The following TBC1D22A variants were observed in gnomAD, a reference collection of about 807,000 sequenced individuals.
TBC1D22A encodes putative GTPase activator.
In TBC1D22A, 38 loss-of-function variants were observed where a neutral mutation model predicts 60.2. The ratio of observed to expected loss-of-function variants is 0.63; its 90% CI spans 0.49 to 0.83. The LOEUF (loss-of-function observed/expected upper bound fraction) is 0.83. Among genes scored for constraint, TBC1D22A ranks in the 40% least tolerant of loss-of-function variants. The pLI, the probability that TBC1D22A is intolerant of heterozygous loss-of-function variation, is 0.00. For missense variants in TBC1D22A, 628 were observed against 701.0 expected, an observed-to-expected ratio of 0.90 and a Z score of 1.18; for synonymous variants, 302 against 281.7, an observed-to-expected ratio of 1.07 and a Z score of -0.72.
intron 11 of TBC1D22A, among the ~76,000 whole-genome samples, chr22:47,088,700 C>CA (rs1332790307): frequency 6.6e-6 from 1 of 152,118 alleles, no homozygotes; most frequent in Non-Finnish European, 1.5e-5. Flanking sequence ...TGAGTCAAGC[C>CA]AGTGCTCACC....
intron 1 of TBC1D22A, among the ~76,000 whole-genome samples, chr22:46,788,183 G>T (rs1248707755): frequency 1.3e-5 from 2 of 151,966 alleles, no homozygotes; most frequent in Non-Finnish European, 2.9e-5. Flanking sequence ...TGATCCACCC[G>T]CCTCGGCCTC....
At chr22:47,054,801 C>G (rs984981278) in intron 11 of TBC1D22A, among the ~76,000 whole-genome samples, 2 of 152,154 alleles carry the variant, frequency 1.3e-5, no homozygotes, top group Non-Finnish European at 2.9e-5. Context: ...GGGGCAAGGG[C>G]GAGGGGCTCA....
At chr22:46,796,491 T>C in intron 3 of TBC1D22A, among the ~76,000 whole-genome samples, 1 of 152,184 alleles carries the variant, frequency 6.6e-6, no homozygotes, top group Non-Finnish European at 1.5e-5. Flanking sequence ...CACTCTACTT[T>C]AATTTTCAGT....
intron 8 of TBC1D22A, among the ~76,000 whole-genome samples, chr22:46,929,720 G>A (rs2071245579): frequency 6.6e-6 from 1 of 152,086 alleles, no homozygotes; most frequent in African/African-American, 2.4e-5. Flanking sequence ...GTGTGTGCGT[G>A]TGCGTGTGTG....
intron 4 of TBC1D22A, among the ~76,000 whole-genome samples, chr22:46,863,638 A>T (rs1054706904): frequency 6.6e-6 from 1 of 152,210 alleles, no homozygotes; most frequent in South Asian, 2.1e-4. Context: ...TTAGAGCCCC[A>T]TAATAGGGTT....
In TBC1D22A at chr22:46,983,207, A is replaced by T. The variant is rs986123135; in HGVS notation, c.1125+8808A>T. 3.3e-4 allele frequency among the ~76,000 whole-genome samples: 50 copies of T among 152,304 alleles called. 1 individual carries two copies. The highest frequency in any genetic ancestry group is 1.2e-3 in the African/African-American group (48 of 41,584). On this transcript the variant is annotated intron_variant, in intron 9 of 12. Coordinates refer to ENST00000337137, the MANE Select transcript of TBC1D22A (RefSeq NM_014346.5). ...ATCTGGTCAGAGGTTTCCACAGTGCAGGAGGGTGCCCAGGCTGGCTTGTGG... is the reference window on the plus strand; with the variant it reads ...ATCTGGTCAGAGGTTTCCACAGTGCTGGAGGGTGCCCAGGCTGGCTTGTGG...
At chr22:47,145,548 A>T (rs1480057555) in intron 12 of TBC1D22A, among the ~76,000 whole-genome samples, 5 of 152,260 alleles carry the variant, frequency 3.3e-5, no homozygotes, top group Non-Finnish European at 5.9e-5. Flanking sequence ...AAGCATCGTC[A>T]TATGAAGTGG....
chr22:47,099,687 CA>C (rs1354315881), intron 11 of TBC1D22A, among the ~76,000 whole-genome samples: 1 of 151,884 alleles, frequency 6.6e-6, no homozygotes, highest in Non-Finnish European at 1.5e-5. Flanking sequence ...TCAGGTGGTC[CA>C]CCTGCCTCAG....
chr22:47,100,449 C>T (rs2065369064), intron 11 of TBC1D22A, among the ~76,000 whole-genome samples: 1 of 152,110 alleles, frequency 6.6e-6, no homozygotes, highest in Non-Finnish European at 1.5e-5. Context: ...GGGGTGAGGC[C>T]TCGGGGGACG....
intron 8 of TBC1D22A, among the ~76,000 whole-genome samples, chr22:46,941,751 GA>G (rs2072142185): frequency 6.8e-6 from 1 of 146,216 alleles, no homozygotes; most frequent in African/African-American, 2.5e-5. Context: ...TATATATGCG[GA>G]ATATATATAT....
chr22:47,172,056 C>T (rs1280818065), intron 12 of TBC1D22A, among the ~76,000 whole-genome samples: 1 of 148,090 alleles, frequency 6.8e-6, no homozygotes, highest in Non-Finnish European at 1.5e-5. Flanking sequence ...TCCCAGTGAG[C>T]CTACCCAGCA....
At chr22:46,979,890 T>C (rs2074446009) in intron 9 of TBC1D22A, among the ~76,000 whole-genome samples, 1 of 152,128 alleles carries the variant, frequency 6.6e-6, no homozygotes, top group South Asian at 2.1e-4. Flanking sequence ...GTTGGCTGGC[T>C]ACCGTCTGAG....
intron 8 of TBC1D22A, among the ~76,000 whole-genome samples, chr22:46,930,681 T>G (rs893542974): frequency 6.6e-6 from 1 of 151,366 alleles, no homozygotes; most frequent in Non-Finnish European, 1.5e-5. Flanking sequence ...GCCAGGATGG[T>G]CTCGATCTCC....
At chr22:46,790,098 A>T (rs909986115) in intron 1 of TBC1D22A, among the ~76,000 whole-genome samples, 6 of 152,218 alleles carry the variant, frequency 3.9e-5, no homozygotes, top group Admixed American at 1.3e-4. Flanking sequence ...GAGTTCTAGA[A>T]TTTGCAAGTC....
At chr22:47,047,550 G>T (rs897818580) in intron 11 of TBC1D22A, among the ~76,000 whole-genome samples, 53 of 152,336 alleles carry the variant, frequency 3.5e-4, no homozygotes, top group African/African-American at 1.3e-3. Flanking sequence ...ACCCAGAGAG[G>T]AGTAGTCCTG....
At chr22:46,953,909 T>C (rs187517126) in intron 8 of TBC1D22A, among the ~76,000 whole-genome samples, 2 of 152,336 alleles carry the variant, frequency 1.3e-5, no homozygotes, top group East Asian at 3.8e-4. Flanking sequence ...CATTTTTCCA[T>C]GTATAGGTAA....
chr22:46,942,983 G>A (rs377119181), intron 8 of TBC1D22A, among the ~76,000 whole-genome samples: 1 of 152,168 alleles, frequency 6.6e-6, no homozygotes, highest in Non-Finnish European at 1.5e-5. Flanking sequence ...ACCCAGGACC[G>A]CAGGGTGGAG....
At chr22:46,867,130 G>A (rs964006100) in intron 4 of TBC1D22A, among the ~76,000 whole-genome samples, 11 of 152,154 alleles carry the variant, frequency 7.2e-5, no homozygotes, top group South Asian at 2.1e-4. Flanking sequence ...ATTCAGCTAC[G>A]TGACCAAGTA....
At chr22:46,871,566 C>G (rs2067295602) in intron 4 of TBC1D22A, among the ~76,000 whole-genome samples, 1 of 152,162 alleles carries the variant, frequency 6.6e-6, no homozygotes, top group Non-Finnish European at 1.5e-5. Context: ...AGAGAATCCT[C>G]AGATATTTGG....
Sources: gnomAD v4.1 joint callset for allele counts (sites outside exome capture counted in the v4.1 genomes callset) on GRCh38, gnomAD v4.1.1 for gene constraint, MANE v1.5 for transcripts, NCBI Gene and HGNC (gene_info 2026-07-23, HGNC 2026-07-21) for gene names.